RIN2: variants seen among roughly 807,000 people sequenced by gnomAD.
The protein encoded by RIN2 is RAB5 interacting protein 2.
RIN2 carries 36 observed loss-of-function variants against 78.0 expected under a neutral mutation model. The ratio of observed to expected loss-of-function variants is 0.46; its 90% CI spans 0.35 to 0.61. The LOEUF (loss-of-function observed/expected upper bound fraction) is 0.61. Among genes scored for constraint, RIN2 ranks in the 20% least tolerant of loss-of-function variants. RIN2 has a pLI of 0.00. For missense variants in RIN2, 1,087 were observed against 1,159.7 expected (o/e 0.94, Z 0.91); for synonymous variants, 466 against 466.8 (o/e 1.00, Z 0.02).
chr20:19,976,519 C>A (rs933173876), intron 9 of RIN2, among the ~76,000 whole-genome samples: 1 of 152,166 alleles, frequency 6.6e-6, no homozygotes, highest in Non-Finnish European at 1.5e-5. Flanking sequence ...AGGGGAAATT[C>A]TTTCTTTATA....
rs192999086 is a variant in RIN2 at position 19,858,316 on chromosome 20, T to C, written c.-36-31250T>C. 2.8e-3 allele frequency among the ~76,000 whole-genome samples: 420 copies of C among 152,218 alleles called. 1 individual carries two copies. Among genetic ancestry groups the C allele is most frequent in the Non-Finnish European group, 4.0e-3 (275 of 68,020 alleles). ...GGAAGGAAGGGTGACAGAGTTAAAT[T>C]AGGAAAGCGAGGCCAACAAATTAGG... On this transcript the variant is annotated intron_variant, in intron 2 of 12. Transcript: ENST00000255006.
chr20:19,965,330 G>A (rs1458353422), intron 7 of RIN2, among the ~76,000 whole-genome samples: 5 of 151,964 alleles, frequency 3.3e-5, no homozygotes, highest in Non-Finnish European at 7.4e-5. Context: ...ACACACACAC[G>A]CACATATGTG....
At chr20:19,793,656 T>C (rs2034958424) in intron 1 of RIN2, among the ~76,000 whole-genome samples, 1 of 152,272 alleles carries the variant, frequency 6.6e-6, no homozygotes, top group Non-Finnish European at 1.5e-5. Context: ...TAGATTATAC[T>C]AGCAGAGATG....
At chr20:19,900,101 T>TGA (rs2038914250) in intron 3 of RIN2, among the ~76,000 whole-genome samples, 1 of 152,238 alleles carries the variant, frequency 6.6e-6, no homozygotes. Context: ...AACCAATTCT[T>TGA]GTCATGCAAG....
intron 6 of RIN2, among the ~76,000 whole-genome samples, chr20:19,961,889 A>G (rs1317155807): frequency 1.3e-5 from 2 of 152,208 alleles, no homozygotes; most frequent in South Asian, 2.1e-4. Flanking sequence ...CAGAAGGTAC[A>G]TTGCAAACCC....
At position 19,829,355 on chromosome 20, in the gene RIN2, A is replaced by G. The variant is rs79327171; in HGVS notation, c.-37+29608A>G. 2.7e-3 allele frequency among the ~76,000 whole-genome samples: 412 copies of G among 152,282 alleles called. 4 individuals are homozygous for G. Among genetic ancestry groups the G allele is most frequent in the Non-Finnish European group, 5.0e-3 (338 of 68,032 alleles). On this transcript the variant is annotated intron_variant, in intron 2 of 12. Transcript: ENST00000255006. ...GCATGATAGGAGATGAAGCCAAAAA[A>G]AGAAAAAAAAATGGATTGAATCCAG... is the stretch of plus-strand genomic sequence containing the variant.
intron 2 of RIN2, among the ~76,000 whole-genome samples, chr20:19,838,840 G>T (rs2036496276): frequency 6.6e-6 from 1 of 152,068 alleles, no homozygotes; most frequent in Non-Finnish European, 1.5e-5. Flanking sequence ...TGGTGCTGAG[G>T]GTACCACCGC....
chr20:19,845,124 A>G lies in RIN2; in HGVS notation c.-36-44442A>G, dbSNP rs578194325. ...TATATGTGCCACATTTTCTTTATCC[A>G]GTCTATCATTGATGGGCATTTGGGC... On this transcript the variant is annotated intron_variant, in intron 2 of 12. Coordinates refer to ENST00000255006, the MANE Select transcript of RIN2 (RefSeq NM_018993.4). 2.6e-5 allele frequency among the ~76,000 whole-genome samples: 4 copies of G among 152,222 alleles called. No individual in the cohort carries two copies. In the East Asian group the frequency reaches 7.7e-4, roughly 29 times the overall value.
intron 7 of RIN2, among the ~76,000 whole-genome samples, chr20:19,967,548 A>C (rs2041977751): frequency 6.6e-6 from 1 of 152,254 alleles, no homozygotes; most frequent in Non-Finnish European, 1.5e-5. Flanking sequence ...GAATTCACGA[A>C]TCAATAAACA....
chr20:19,844,630 C>CTTCTTCTTCTTG (rs1568807232), intron 2 of RIN2, among the ~76,000 whole-genome samples: 5 of 128,794 alleles, frequency 3.9e-5, no homozygotes, highest in Non-Finnish European at 6.2e-5. Flanking sequence ...TCTTCTTCTT[C>CTTCTTCTTCTTG]TTCTTCTTCT....
chr20:19,966,645 C>A (rs1004370124), intron 7 of RIN2, among the ~76,000 whole-genome samples: 1 of 152,116 alleles, frequency 6.6e-6, no homozygotes, highest in South Asian at 2.1e-4. Context: ...GCCGTTCACC[C>A]TCTGAAGTCT....
At chr20:19,797,249 C>G (rs1224639591) in intron 1 of RIN2, among the ~76,000 whole-genome samples, 2 of 152,174 alleles carry the variant, frequency 1.3e-5, no homozygotes, top group African/African-American at 2.4e-5. Context: ...GACTTGTTCT[C>G]TCATGTAAGC....
At chr20:19,785,801 A>G (rs562034457) in intron 1 of RIN2, among the ~76,000 whole-genome samples, 1 of 152,370 alleles carries the variant, frequency 6.6e-6, no homozygotes, top group South Asian at 2.1e-4. Flanking sequence ...TTTCAGAGAT[A>G]AACTTTTCAG....
intron 1 of RIN2, among the ~76,000 whole-genome samples, chr20:19,768,266 TGAA>T (rs1186269757): frequency 2.0e-5 from 3 of 152,062 alleles, no homozygotes; most frequent in Non-Finnish European, 2.9e-5. Context: ...GGAAAATGGA[TGAA>T]GAAATATTCA....
intron 1 of RIN2, among the ~76,000 whole-genome samples, chr20:19,793,764 A>G (rs1335789247): frequency 6.6e-6 from 1 of 152,232 alleles, no homozygotes; most frequent in Non-Finnish European, 1.5e-5. Flanking sequence ...ACACTTTCTA[A>G]GGTTGACAAT....
chr20:19,893,327 C>T (rs1055780625), intron 3 of RIN2, among the ~76,000 whole-genome samples: 8 of 152,158 alleles, frequency 5.3e-5, no homozygotes, highest in Admixed American at 4.6e-4. Flanking sequence ...CGTGAGGTTT[C>T]CTGGTCACAT....
intron 1 of RIN2, among the ~76,000 whole-genome samples, chr20:19,794,203 C>T (rs1019783507): frequency 1.3e-5 from 2 of 152,136 alleles, no homozygotes; most frequent in Non-Finnish European, 2.9e-5. Context: ...ATGAACTCCA[C>T]CAGTAGCAGA....
intron 3 of RIN2, among the ~76,000 whole-genome samples, chr20:19,908,307 T>A (rs414439): frequency 0.27 from 40,715 of 151,670 alleles, 6,847 homozygotes; most frequent in East Asian, 0.54. Context: ...CTGGCTAACA[T>A]GGTGAAACCC....
At chr20:19,934,569 G>T in intron 3 of RIN2, 1 of 984,818 alleles carries the variant, frequency 1.0e-6, no homozygotes, top group Non-Finnish European at 1.2e-6. Context: ...TCTCTCCACA[G>T]CAGTGCAAAG....
Sources: gnomAD v4.1 joint callset for allele counts (sites outside exome capture counted in the v4.1 genomes callset) on GRCh38, gnomAD v4.1.1 for gene constraint, MANE v1.5 for transcripts, NCBI Gene and HGNC (gene_info 2026-07-23, HGNC 2026-07-21) for gene names.